DLG5: variants seen among roughly 807,000 people sequenced by gnomAD.
The protein encoded by DLG5 is discs large MAGUK scaffold protein 5, also known as disks large homolog 5.
A neutral mutation model predicts 189.8 loss-of-function variants in DLG5; 48 were observed. The ratio of observed to expected loss-of-function variants is 0.25; its 90% CI spans 0.20 to 0.32. The LOEUF is 0.32. DLG5 is among the 10% of genes least tolerant of loss of function. The probability of loss-of-function intolerance (pLI) is 1.00; values close to 1 mark genes in which losing one functional copy is unlikely to be tolerated. For missense variants in DLG5, 2,160 were observed against 2,544.7 expected (o/e 0.85, Z 3.25); for synonymous variants, 1,016 against 1,054.1 (o/e 0.96, Z 0.70).
At chr10:77,873,030 T>TGC (rs1554826888) in intron 1 of DLG5, among the ~76,000 whole-genome samples, 1,269 of 105,466 alleles carry the variant, frequency 0.012, 7 homozygotes, top group Middle Eastern at 0.019. Flanking sequence ...TGTGTGTGTG[T>TGC]GCACACACAC....
intron 1 of DLG5, among the ~76,000 whole-genome samples, chr10:77,886,735 A>G (rs1845452570): frequency 6.6e-6 from 1 of 152,210 alleles, no homozygotes; most frequent in Non-Finnish European, 1.5e-5. Flanking sequence ...CAGTTCCTCA[A>G]AATATGACTG....
chr10:77,848,703 T>C (rs1564545326), intron 5 of DLG5, among the ~76,000 whole-genome samples: 1 of 151,246 alleles, frequency 6.6e-6, no homozygotes, highest in Non-Finnish European at 1.5e-5. Context: ...TGATATATTG[T>C]AGGATTTTTT....
intron 1 of DLG5, among the ~76,000 whole-genome samples, chr10:77,892,491 A>G (rs2154577653): frequency 6.6e-6 from 1 of 152,328 alleles, no homozygotes; most frequent in African/African-American, 2.4e-5. Context: ...GAGTCACAGA[A>G]TGTCAACAAC....
intron 1 of DLG5, among the ~76,000 whole-genome samples, chr10:77,883,282 G>C (rs1266774676): frequency 1.3e-5 from 2 of 152,176 alleles, no homozygotes; most frequent in Admixed American, 1.3e-4. Flanking sequence ...AAGACCACAG[G>C]TAGGGAAGAA....
At chr10:77,861,923 C>T (rs1306025589) in intron 2 of DLG5, among the ~76,000 whole-genome samples, 1 of 152,128 alleles carries the variant, frequency 6.6e-6, no homozygotes, top group African/African-American at 2.4e-5. Flanking sequence ...GCTCTCAGAC[C>T]CAGCAGAAAG....
upstream of DLG5, chr10:77,928,784 T>C (rs1241652031): frequency 6.6e-6 from 1 of 152,148 alleles, no homozygotes; most frequent in African/African-American, 2.4e-5. Flanking sequence ...CCCAGCACTT[T>C]GGGAGGCTGA....
At chr10:77,879,649 A>G (rs1035252239) in intron 1 of DLG5, among the ~76,000 whole-genome samples, 2 of 151,346 alleles carry the variant, frequency 1.3e-5, no homozygotes, top group Admixed American at 6.6e-5. Flanking sequence ...TTTCTTTCCT[A>G]TTCCACATTT....
At chr10:77,839,548 G>A (rs755216089) in intron 7 of DLG5, among the ~76,000 whole-genome samples, 64 of 152,068 alleles carry the variant, frequency 4.2e-4, no homozygotes, top group Non-Finnish European at 7.1e-4. Flanking sequence ...CCATCCACAC[G>A]GGCTCGCTGT....
chr10:77,911,159 T>C (rs1382529599), intron 1 of DLG5, among the ~76,000 whole-genome samples: 1 of 152,162 alleles, frequency 6.6e-6, no homozygotes, highest in Non-Finnish European at 1.5e-5. Flanking sequence ...AGACAGGGTC[T>C]TACTGTCCAC....
At chr10:77,837,437 C>T (rs6480868) in intron 7 of DLG5, among the ~76,000 whole-genome samples, 8,806 of 152,174 alleles carry the variant, frequency 0.058, 795 homozygotes, top group African/African-American at 0.19. Flanking sequence ...CGACAGGCAG[C>T]GCAGGAGGTG....
intron 8 of DLG5, among the ~76,000 whole-genome samples, chr10:77,834,356 T>C (rs905199983): frequency 6.6e-6 from 1 of 152,116 alleles, no homozygotes; most frequent in African/African-American, 2.4e-5. Context: ...ACACTCACTG[T>C]TCTAATGCCA....
chr10:77,931,911 G>A, the DLG5 span, among the ~76,000 whole-genome samples: 3 of 152,172 alleles, frequency 2.0e-5, no homozygotes, highest in African/African-American at 7.2e-5. Flanking sequence ...CTTTGGTAGG[G>A]TTATTAGGAG....
At chr10:77,854,709 G>A (rs1025575556) in intron 3 of DLG5, among the ~76,000 whole-genome samples, 2 of 152,112 alleles carry the variant, frequency 1.3e-5, no homozygotes, top group African/African-American at 2.4e-5. Context: ...CTGTAGGCTC[G>A]GCGTGACAGC....
chr10:77,892,971 T>C (rs2154577666), intron 1 of DLG5, among the ~76,000 whole-genome samples: 1 of 152,360 alleles, frequency 6.6e-6, no homozygotes, highest in East Asian at 1.9e-4. Flanking sequence ...ACTGGGAGAA[T>C]GGCAAGGCCA....
intron 1 of DLG5, among the ~76,000 whole-genome samples, chr10:77,876,873 CT>C (rs35257302): frequency 1.5e-3 from 218 of 143,210 alleles, no homozygotes; most frequent in Non-Finnish European, 1.4e-3. Flanking sequence ...TCTGTCCATT[CT>C]TTTTTTTTTT....
the DLG5 span, among the ~76,000 whole-genome samples, chr10:77,935,843 C>T: frequency 2.9e-4 from 44 of 152,118 alleles, no homozygotes; most frequent in African/African-American, 8.7e-4. Context: ...TTTCCTGTCC[C>T]ACATGGGAAA....
intron 22 of DLG5, among the ~76,000 whole-genome samples, chr10:77,811,722 T>A (rs1024070122): frequency 6.6e-6 from 1 of 152,106 alleles, no homozygotes; most frequent in Non-Finnish European, 1.5e-5. Flanking sequence ...AGCCATCTGT[T>A]TCCACACCCC....
At chr10:77,936,476 AGAGAGGC>A in the DLG5 span, among the ~76,000 whole-genome samples, 1 of 149,966 alleles carries the variant, frequency 6.7e-6, no homozygotes, top group Non-Finnish European at 1.5e-5. Flanking sequence ...AAGGAATCTG[AGAGAGGC>A]CCAGACCTAG....
chr10:77,850,306 T>C (rs1843904558), intron 5 of DLG5, among the ~76,000 whole-genome samples: 1 of 152,224 alleles, frequency 6.6e-6, no homozygotes, highest in Admixed American at 6.5e-5. Flanking sequence ...TAGTTTGTGG[T>C]CTTTTTGCTG....
Sources: allele counts gnomAD v4.1 joint callset (sites outside exome capture counted in the v4.1 genomes callset), GRCh38; gene constraint gnomAD v4.1.1; transcripts MANE v1.5; gene names NCBI Gene and HGNC (gene_info 2026-07-23, HGNC 2026-07-21).